The following SLC4A4 variants were observed in gnomAD, a reference collection of about 807,000 sequenced individuals.
SLC4A4 encodes electrogenic sodium bicarbonate cotransporter 1.
In SLC4A4, 27 loss-of-function variants were observed where a neutral mutation model predicts 111.5. The observed-to-expected ratio is 0.24, with a 90% CI of 0.18 to 0.33. SLC4A4 has a LOEUF of 0.33. Among genes scored for constraint, SLC4A4 ranks in the 10% least tolerant of loss-of-function variants. SLC4A4 has a pLI of 1.00. For missense variants in SLC4A4, 909 were observed against 1,315.5 expected (o/e 0.69, Z 4.78); for synonymous variants, 443 against 463.4 (o/e 0.96, Z 0.57).
intron 3 of SLC4A4, among the ~76,000 whole-genome samples, chr4:71,283,572 G>A (rs770228817): frequency 2.0e-5 from 3 of 152,162 alleles, no homozygotes; most frequent in Admixed American, 2.0e-4. Context: ...AGAAGAAAAT[G>A]TTAGGCTGTC....
intron 2 of SLC4A4, among the ~76,000 whole-genome samples, chr4:71,254,558 G>A (rs1308569617): frequency 1.3e-5 from 2 of 151,722 alleles, no homozygotes; most frequent in Non-Finnish European, 2.9e-5. Context: ...GTTTCCTAGT[G>A]TGAACGTTTG....
At chr4:71,418,304 C>T (rs1400729109) in intron 7 of SLC4A4, among the ~76,000 whole-genome samples, 2 of 152,182 alleles carry the variant, frequency 1.3e-5, no homozygotes, top group Non-Finnish European at 2.9e-5. Context: ...TTTTTACCCT[C>T]AGCATTGTTT....
intron 2 of SLC4A4, among the ~76,000 whole-genome samples, chr4:71,172,203 C>A (rs1166457432): frequency 6.6e-6 from 1 of 152,002 alleles, no homozygotes; most frequent in Non-Finnish European, 1.5e-5. Context: ...CAATCTCCCT[C>A]TTCCAATTCC....
intron 1 of SLC4A4, among the ~76,000 whole-genome samples, chr4:71,200,048 C>T (rs1337809160): frequency 2.0e-5 from 3 of 152,164 alleles, no homozygotes; most frequent in African/African-American, 7.2e-5. Flanking sequence ...GGAATAAATT[C>T]TTAGTTCTGT....
chr4:71,464,353 T>A (rs1727120605), intron 12 of SLC4A4, among the ~76,000 whole-genome samples: 1 of 152,164 alleles, frequency 6.6e-6, no homozygotes, highest in South Asian at 2.1e-4. Flanking sequence ...ATGCTATTTG[T>A]TGGCCTAGGA....
intron 3 of SLC4A4, among the ~76,000 whole-genome samples, chr4:71,314,612 T>C (rs1402636316): frequency 6.6e-6 from 1 of 152,186 alleles, no homozygotes; most frequent in African/African-American, 2.4e-5. Flanking sequence ...TTCATGTCCT[T>C]TGCAGAGACA....
In SLC4A4 at chr4:71,138,124, CA is replaced by C. The variant is rs1459011495; in HGVS notation, c.-2+45335del. 3.9e-5 allele frequency among the ~76,000 whole-genome samples: 6 copies of C among 152,254 alleles called. No homozygotes were observed. In the East Asian group the frequency reaches 9.7e-4, roughly 25 times the overall value. On this transcript the variant is annotated intron_variant, in intron 2 of 26. Coordinates refer to the SLC4A4 transcript ENST00000649996. ...ATATGTTAGTGTGCCCTTGGAATGA[CA>C]AACCAGGTAGTTAAGTTGATTAATG...
chr4:71,332,441 T>C (rs1728078205), intron 3 of SLC4A4, among the ~76,000 whole-genome samples: 1 of 150,996 alleles, frequency 6.6e-6, no homozygotes, highest in South Asian at 2.1e-4. Flanking sequence ...TGACTGTGTA[T>C]TTTCTTTTTT....
In SLC4A4 at chr4:71,447,701, G is replaced by A; in HGVS notation, c.1021G>A (p.Gly341Ser). The stretch of plus-strand genomic sequence containing the variant: ...GAAAGCCAAGTCCTACCACGAGATT[G>A]GCAGAGCCATTGCCACCCTGATGTC... ...KGKAKSYHEI[G>S]RAIATLMSDE... The change falls in exon 9 of 26, where the codon GGC becomes AGC. Residue 341 changes from glycine (G) to serine (S), a missense_variant. By Grantham distance (56) the Gly-to-Ser change is moderately conservative. This residue lies in a region of SLC4A4 where 312 missense variants were observed against 402.0 expected (regional missense o/e 0.78). Coordinates refer to ENST00000264485, the MANE Select transcript of SLC4A4 (RefSeq NM_001098484.3). 1 of 1,612,712 alleles carries A rather than the reference G, an allele frequency of 6.2e-7. No homozygotes were observed. The highest frequency in any genetic ancestry group is 8.5e-7 in the Non-Finnish European group (1 of 1,178,956).
chr4:71,085,433 G>T (rs1056864783), intron 1 of SLC4A4, among the ~76,000 whole-genome samples: 1 of 151,942 alleles, frequency 6.6e-6, no homozygotes, highest in Non-Finnish European at 1.5e-5. Flanking sequence ...GTCAATGTTG[G>T]CTTTTGTTGC....
At chr4:71,511,278 A>T (rs535773652) in intron 16 of SLC4A4, among the ~76,000 whole-genome samples, 2 of 152,224 alleles carry the variant, frequency 1.3e-5, no homozygotes, top group Admixed American at 6.5e-5. Context: ...AATTCTCTTT[A>T]GCATTTCTTG....
intron 3 of SLC4A4, among the ~76,000 whole-genome samples, chr4:71,261,154 A>G (rs540983749): frequency 1.3e-4 from 20 of 152,286 alleles, no homozygotes; most frequent in African/African-American, 4.8e-4. Flanking sequence ...TTATCTTGCC[A>G]GTGAGTGTCA....
intron 7 of SLC4A4, among the ~76,000 whole-genome samples, chr4:71,419,918 A>G (rs983868241): frequency 6.6e-6 from 1 of 152,230 alleles, no homozygotes; most frequent in Non-Finnish European, 1.5e-5. Flanking sequence ...CTAGAACTCT[A>G]AAAAGCAGAG....
chr4:71,076,343 C>G (rs892246854), intron 1 of SLC4A4, among the ~76,000 whole-genome samples: 6 of 152,032 alleles, frequency 3.9e-5, no homozygotes, highest in South Asian at 2.1e-4. Flanking sequence ...CCAGCCTGGC[C>G]AACATAGTGA....
chr4:71,372,412 A>G (rs2148935263), intron 6 of SLC4A4, among the ~76,000 whole-genome samples: 1 of 152,384 alleles, frequency 6.6e-6, no homozygotes, highest in Non-Finnish European at 1.5e-5. Context: ...GCTACTTTTC[A>G]GGACAAGTTA....
chr4:71,172,561 G>A (rs988367115), intron 2 of SLC4A4, among the ~76,000 whole-genome samples: 2 of 152,182 alleles, frequency 1.3e-5, no homozygotes, highest in East Asian at 1.9e-4. Context: ...GCCTAGCACA[G>A]ATATTTTCTG....
chr4:71,448,555 A>T (rs924082795), intron 9 of SLC4A4, among the ~76,000 whole-genome samples: 1 of 152,198 alleles, frequency 6.6e-6, no homozygotes, highest in Non-Finnish European at 1.5e-5. Flanking sequence ...ACATCTAAAA[A>T]TGCATTAGCA....
intron 2 of SLC4A4, among the ~76,000 whole-genome samples, chr4:71,133,152 T>G (rs1357284433): frequency 6.6e-6 from 1 of 152,188 alleles, no homozygotes; most frequent in African/African-American, 2.4e-5. Context: ...CCTTCTTAGT[T>G]TCGTATCCCT....
chr4:71,426,211 G>A (rs1250782194), intron 7 of SLC4A4, among the ~76,000 whole-genome samples: 2 of 151,908 alleles, frequency 1.3e-5, no homozygotes, highest in African/African-American at 4.8e-5. Context: ...AATTCCATGG[G>A]GAAGAGGGTA....
Sources: allele counts gnomAD v4.1 joint callset (sites outside exome capture counted in the v4.1 genomes callset), GRCh38; gene constraint gnomAD v4.1.1; regional missense constraint gnomAD v4.1.1; transcripts MANE v1.5; gene names NCBI Gene and HGNC (gene_info 2026-07-23, HGNC 2026-07-21).